TBXAS1: variants seen among roughly 807,000 people sequenced by gnomAD.
TBXAS1 encodes the protein thromboxane-A synthase.
In TBXAS1, 48 loss-of-function variants were observed where a neutral mutation model predicts 60.7. The observed-to-expected ratio is 0.79, with a 90% CI of 0.63 to 1.01. TBXAS1 has a LOEUF of 1.01. Ranked by LOEUF, TBXAS1 falls within the 50% of genes least tolerant of loss-of-function variation. The pLI, the probability that TBXAS1 is intolerant of heterozygous loss-of-function variation, is 0.00. For synonymous variants in TBXAS1, 287 were observed against 269.7 expected, an observed-to-expected ratio of 1.06 and a Z score of -0.63; for missense variants, 685 against 686.3, an observed-to-expected ratio of 1.00 and a Z score of 0.02.
At chr7:139,868,576 T>G (rs575692999) in intron 1 of TBXAS1, among the ~76,000 whole-genome samples, 2 of 151,642 alleles carry the variant, frequency 1.3e-5, no homozygotes, top group South Asian at 4.2e-4. Context: ...CTCAAACTCC[T>G]GAGCTCAAGT....
chr7:139,966,421 G>T (rs1050279582), intron 9 of TBXAS1, among the ~76,000 whole-genome samples: 1 of 152,218 alleles, frequency 6.6e-6, no homozygotes, highest in African/African-American at 2.4e-5. Flanking sequence ...AGAGGGCAGA[G>T]CTGCCTTCAG....
intron 8 of TBXAS1, among the ~76,000 whole-genome samples, chr7:139,960,407 TGAGG>T (rs1810234530): frequency 6.6e-6 from 1 of 152,172 alleles, no homozygotes; most frequent in Admixed American, 6.5e-5. Flanking sequence ...TGTCAGGGGT[TGAGG>T]GTGGGGTCCT....
exon 4 of TBXAS1, chr7:139,787,386 G>A (rs1388616541): frequency 6.6e-6 from 1 of 152,168 alleles, no homozygotes. Context: ...TAGTTTGTCT[G>A]GTTGAGTTGG....
At chr7:139,899,886 T>C (rs747475933) in intron 3 of TBXAS1, among the ~76,000 whole-genome samples, 2 of 152,100 alleles carry the variant, frequency 1.3e-5, no homozygotes, top group African/African-American at 2.4e-5. Context: ...GACAGCATGC[T>C]CACCACCAAG....
In TBXAS1 at chr7:139,958,219, C is replaced by T. The variant is rs183289408; in HGVS notation, c.819+455C>T. Among the ~76,000 whole-genome samples the T allele has an allele frequency of 4.6e-5, 7 of 152,296 alleles. No homozygotes were observed. In the East Asian group the frequency reaches 7.7e-4, roughly 17 times the overall value. ...GAGTTCGGCAACTGTCAGTCACTAA[C>T]CCCACACTCCCACTCAGCATGGAGG... On this transcript the variant is annotated intron_variant, in intron 8 of 12. Transcript: ENST00000448866.
intron 4 of TBXAS1, among the ~76,000 whole-genome samples, chr7:139,931,686 G>A (rs138119486): frequency 5.3e-5 from 8 of 151,596 alleles, no homozygotes; most frequent in Admixed American, 4.6e-4. Context: ...TAGGAAAGAC[G>A]TGACCCCACG....
chr7:139,915,825 G>A (rs1191624376), intron 4 of TBXAS1, among the ~76,000 whole-genome samples: 1 of 152,238 alleles, frequency 6.6e-6, no homozygotes. Flanking sequence ...ACTGTGGGTT[G>A]GATCCGGAGC....
intron 1 of TBXAS1, among the ~76,000 whole-genome samples, chr7:139,854,313 A>G (rs1800434449): frequency 6.6e-6 from 1 of 152,184 alleles, no homozygotes. Context: ...AGCCTAATTT[A>G]GGGACAGAGA....
chr7:139,920,123 G>T (rs567995743), intron 4 of TBXAS1, among the ~76,000 whole-genome samples: 1 of 152,256 alleles, frequency 6.6e-6, no homozygotes, highest in Non-Finnish European at 1.5e-5. Context: ...TGGCCAGGGA[G>T]GGTCAGAGAC....
intron 9 of TBXAS1, among the ~76,000 whole-genome samples, chr7:139,986,287 T>C (rs1345358329): frequency 6.6e-6 from 1 of 152,052 alleles, no homozygotes; most frequent in African/African-American, 2.4e-5. Flanking sequence ...GCTGCCAGAG[T>C]TAAGTTGACT....
rs954608115 is a variant in TBXAS1 at position 139,809,214 on chromosome 7, AGATAGATAGATAGATAGAT to A, written c.-79-20078_-79-20060del. Among the ~76,000 whole-genome samples, 16 of 130,260 alleles carry A rather than the reference AGATAGATAGATAGATAGAT, an allele frequency of 1.2e-4. No individual in the cohort carries two copies. In the East Asian group the frequency reaches 1.9e-3, roughly 15 times the overall value. 85.5% of individuals were successfully genotyped at this position (130,260 alleles called of 152,430 possible). A position where few individuals can be genotyped will look rare whatever the true frequency, so the allele number is the denominator to read the frequency against. ...GGAGATAGATGATAGATAGATAGAT[AGATAGATAGATAGATAGAT>A]GATAGATAGATAGATAGATAGATAG... On this transcript the variant is annotated intron_variant, in intron 4 of 16. Transcript: ENST00000336425.
chr7:139,849,334 G>T (rs1481435277), intron 1 of TBXAS1, among the ~76,000 whole-genome samples: 1 of 151,618 alleles, frequency 6.6e-6, no homozygotes, highest in Admixed American at 6.6e-5. Context: ...AGCCAAGATC[G>T]CACCACTGCA....
chr7:139,805,823 C>T (rs1471993910), intron 4 of TBXAS1, among the ~76,000 whole-genome samples: 7 of 147,032 alleles, frequency 4.8e-5, no homozygotes, highest in East Asian at 2.0e-4. Flanking sequence ...TGCAGTGGCT[C>T]GATCTCAGCT....
chr7:139,877,673 T>C (rs1162807529), intron 3 of TBXAS1, among the ~76,000 whole-genome samples: 5 of 152,024 alleles, frequency 3.3e-5, no homozygotes, highest in African/African-American at 1.2e-4. Flanking sequence ...TCCACCCATC[T>C]TGGCCTCCCA....
At chr7:139,962,590 G>A (rs1017687379) in intron 9 of TBXAS1, 13 of 330,314 alleles carry the variant, frequency 3.9e-5, no homozygotes, top group South Asian at 2.0e-4. Flanking sequence ...GCTGCCACAC[G>A]GAGGGAGGCA....
chr7:139,957,870 C>CCT, intron 8 of TBXAS1, 106 bp downstream of exon 8: 1 of 1,515,690 alleles, frequency 6.6e-7, no homozygotes, highest in Non-Finnish European at 9.0e-7. Context: ...TCACACCGTG[C>CCT]CGTCCTTCAG....
At chr7:140,000,722 CCTCT>C (rs748320684) in intron 9 of TBXAS1, among the ~76,000 whole-genome samples, 20 of 152,092 alleles carry the variant, frequency 1.3e-4, no homozygotes, top group Admixed American at 9.8e-4. Flanking sequence ...AATTTTCAAC[CCTCT>C]AAGAGCAGTT....
chr7:139,783,153 G>A lies in TBXAS1; in HGVS notation c.-169+424G>A, dbSNP rs1057293985. 3.3e-5 allele frequency among the ~76,000 whole-genome samples: 5 copies of A among 152,146 alleles called. No individual in the cohort carries two copies. In the East Asian group the frequency reaches 5.8e-4, roughly 18 times the overall value. On this transcript the variant is annotated intron_variant, in intron 3 of 16. Coordinates refer to the TBXAS1 transcript ENST00000336425. ...TGGCTTTAAGGGCAAAGGGGAGAGC[G>A]AGGCTTGGCAGGGTGAAGGGAATCT...
chr7:139,892,834 A>G (rs1273947329), intron 3 of TBXAS1, among the ~76,000 whole-genome samples: 2 of 151,934 alleles, frequency 1.3e-5, no homozygotes, highest in Non-Finnish European at 2.9e-5. Context: ...GCTCGGGGTG[A>G]GCTTCTTGAG....
Sources: gnomAD v4.1 joint callset for allele counts (sites outside exome capture counted in the v4.1 genomes callset) on GRCh38, gnomAD v4.1.1 for gene constraint, MANE v1.5 for transcripts, NCBI Gene and HGNC (gene_info 2026-07-23, HGNC 2026-07-21) for gene names.